The following GAS7 variants were observed in gnomAD, a reference collection of about 807,000 sequenced individuals.
GAS7 encodes the protein growth arrest specific 7, also known as growth arrest-specific protein 7.
A neutral mutation model predicts 71.1 loss-of-function variants in GAS7; 28 were observed. The observed-to-expected ratio is 0.39, with a 90% confidence interval of 0.29 to 0.54. The LOEUF (loss-of-function observed/expected upper bound fraction) is 0.54. Among genes scored for constraint, GAS7 ranks in the 20% least tolerant of loss-of-function variants. The probability of loss-of-function intolerance (pLI) is 0.62; values close to 1 mark genes in which losing one functional copy is unlikely to be tolerated. For missense variants in GAS7, 436 were observed against 627.8 expected, an observed-to-expected ratio of 0.69 and a Z score of 3.27; for synonymous variants, 258 against 245.8, an observed-to-expected ratio of 1.05 and a Z score of -0.46.
At position 10,103,881 on chromosome 17, in the gene GAS7, C is replaced by T. The variant is rs1391262182; in HGVS notation, c.184-83984G>A. The stretch of plus-strand genomic sequence containing the variant: ...AAACCCATAGAACCCATAGTAGCTG[C>T]TCATCAACCCACAGCCCAAATTCAT... On this transcript the variant is annotated intron_variant, in intron 1 of 13. Transcript: ENST00000432992. This position sits in a 1 kb window ranked among gnomAD's most constrained non-coding sequence, Gnocchi z 5.5. 6.6e-6 allele frequency among the ~76,000 whole-genome samples: 1 copy of T among 151,714 alleles called. No individual in the cohort carries two copies. The highest frequency in any genetic ancestry group is 1.5e-5 in the Non-Finnish European group (1 of 67,916).
At position 9,925,615 on chromosome 17, in the gene GAS7, A is replaced by G. The variant is rs1408296767; in HGVS notation, c.1015-16T>C. On this transcript the variant is annotated splice_polypyrimidine_tract_variant and intron_variant, in intron 10 of 13. Transcript: ENST00000432992. ...CTTTCCGGGCCTGGGGTCCAAGGACACGGAGAAGCTGCTCATACAGCTCGG... is the reference window on the plus strand; with the variant it reads ...CTTTCCGGGCCTGGGGTCCAAGGACGCGGAGAAGCTGCTCATACAGCTCGG... The G allele has an allele frequency of 1.2e-6, 2 of 1,613,914 alleles. No individual in the cohort carries two copies. Among genetic ancestry groups the G allele is most frequent in the African/African-American group, 2.7e-5 (2 of 74,922 alleles).
Position 10,158,499 on chromosome 17 carries a change from A to G in GAS7, c.183+39709T>C, listed in dbSNP as rs773184691. ...CCACCTCTATAAAAAGAAAAATAAA[A>G]AAAGATATGTGCATTACACTGTATG... On this transcript the variant is annotated intron_variant, in intron 1 of 13. Transcript: ENST00000432992. 2.0e-5 allele frequency among the ~76,000 whole-genome samples: 3 copies of G among 152,168 alleles called. No individual in the cohort carries two copies. In the South Asian group the frequency reaches 6.2e-4, roughly 32 times the overall value.
Position 9,969,211 on chromosome 17 carries a change from A to T in GAS7, c.471+466T>A, listed in dbSNP as rs16959117. Reference sequence around the variant, plus strand: ...GAAAACAGTTTGGAAATCGTACAACATACTCCCATTTCCTTCCATCTCATA... The same window carrying T: ...GAAAACAGTTTGGAAATCGTACAACTTACTCCCATTTCCTTCCATCTCATA... On this transcript the variant is annotated intron_variant, in intron 4 of 13. Coordinates refer to ENST00000432992, the MANE Select transcript of GAS7 (RefSeq NM_201433.2). This position sits in a 1 kb window ranked among gnomAD's most constrained non-coding sequence, Gnocchi z 5.5. 0.067 allele frequency among the ~76,000 whole-genome samples: 10,240 copies of T among 152,254 alleles called. 1,040 individuals carry two copies. The highest frequency in any genetic ancestry group is 0.22 in the African/African-American group (9,304 of 41,486).
At chr17:10,057,523 G>A (rs1002925130) in intron 1 of GAS7, among the ~76,000 whole-genome samples, 6 of 150,918 alleles carry the variant, frequency 4.0e-5, no homozygotes, top group East Asian at 1.9e-4. Context: ...CCCGGCAGCC[G>A]CCCCATCTGG....
chr17:10,178,702 CTTTTTTTTTTT>C (rs397857157), intron 1 of GAS7, among the ~76,000 whole-genome samples: 10 of 34,590 alleles, frequency 2.9e-4, no homozygotes, highest in African/African-American at 1.1e-3. Flanking sequence ...CCCCCACCAC[CTTTTTTTTTTT>C]TTTTTTTTTT....
intron 3 of GAS7, among the ~76,000 whole-genome samples, chr17:9,980,460 C>G (rs1379391911): frequency 6.6e-6 from 1 of 152,220 alleles, no homozygotes; most frequent in Non-Finnish European, 1.5e-5. Flanking sequence ...ACTTTTTCTT[C>G]TGAAAACTTT....
At chr17:10,109,837 T>C (rs1196254375) in intron 1 of GAS7, among the ~76,000 whole-genome samples, 1 of 151,770 alleles carries the variant, frequency 6.6e-6, no homozygotes, top group Non-Finnish European at 1.5e-5. Context: ...GGGTGGATCA[T>C]GAGGTCAGGA....
intron 5 of GAS7, among the ~76,000 whole-genome samples, chr17:9,952,484 C>T (rs1033200231): frequency 1.3e-5 from 2 of 152,266 alleles, no homozygotes; most frequent in South Asian, 2.1e-4. Context: ...CTCCACCTCC[C>T]GGGTTCAAGC....
At chr17:10,076,745 C>T (rs7221456) in intron 1 of GAS7, among the ~76,000 whole-genome samples, 75,247 of 151,932 alleles carry the variant, frequency 0.5, 18,854 homozygotes, top group Admixed American at 0.51. Flanking sequence ...AGTTTCAGAA[C>T]GGACGAGCTG....
Position 9,918,268 on chromosome 17 carries a change from T to C in GAS7, c.1219-169A>G, listed in dbSNP as rs9916639. Among the ~76,000 whole-genome samples the C allele has an allele frequency of 0.092, 13,339 of 145,528 alleles. 1,131 individuals are homozygous for C. Among genetic ancestry groups the C allele is most frequent in the African/African-American group, 0.24 (9,339 of 39,158 alleles). On this transcript the variant is annotated intron_variant, in intron 12 of 13. Coordinates refer to ENST00000432992, the MANE Select transcript of GAS7 (RefSeq NM_201433.2). ...ATATCTAAGGTGAAGGTGAAGCTGATGACAGCAGCAGCGGCTGTTTTACTT... is the reference window on the plus strand; with the variant it reads ...ATATCTAAGGTGAAGGTGAAGCTGACGACAGCAGCAGCGGCTGTTTTACTT...
intron 1 of GAS7, among the ~76,000 whole-genome samples, chr17:10,177,458 T>A (rs565618174): frequency 3.9e-5 from 6 of 151,990 alleles, no homozygotes; most frequent in Non-Finnish European, 8.8e-5. Context: ...GTGGAGAGGA[T>A]GCTGCTGACG....
At chr17:10,050,535 C>G (rs778409830) in intron 1 of GAS7, among the ~76,000 whole-genome samples, 2 of 152,126 alleles carry the variant, frequency 1.3e-5, no homozygotes, top group Non-Finnish European at 2.9e-5. Context: ...GACTAGAGGG[C>G]TAGCACATGG....
At chr17:9,986,900 C>A (rs1157669045) in intron 2 of GAS7, among the ~76,000 whole-genome samples, 1 of 152,198 alleles carries the variant, frequency 6.6e-6, no homozygotes, top group Non-Finnish European at 1.5e-5. Flanking sequence ...CCAGGCCAGG[C>A]CAGGCAGACA....
chr17:10,019,759 C>T lies in GAS7; in HGVS notation c.304+18G>A, dbSNP rs759620531. On this transcript the variant is annotated intron_variant, in intron 2 of 13. Transcript: ENST00000432992. ...TGCCAGGGGGTTGGTGCAGGATTCT[C>T]CCCCGAGCGGGACTCACCATTGGTG... The T allele has an allele frequency of 5.0e-6, 8 of 1,608,194 alleles. No individual in the cohort carries two copies. The highest frequency in any genetic ancestry group is 6.8e-6 in the Non-Finnish European group (8 of 1,176,370).
chr17:10,193,533 C>A (rs9914768), intron 1 of GAS7, among the ~76,000 whole-genome samples: 1 of 152,090 alleles, frequency 6.6e-6, no homozygotes, highest in Non-Finnish European at 1.5e-5. Flanking sequence ...ACTACTTTCC[C>A]AATAGAATGT....
chr17:9,917,763 C>T (rs2067633193), intron 13 of GAS7, among the ~76,000 whole-genome samples: 1 of 152,242 alleles, frequency 6.6e-6, no homozygotes, highest in East Asian at 1.9e-4. Flanking sequence ...TCTTTCTCCT[C>T]AGGGTAACAG....
intron 1 of GAS7, chr17:10,039,656 C>T (rs954610118): frequency 6.8e-6 from 3 of 439,102 alleles, no homozygotes; most frequent in Non-Finnish European, 1.4e-5. Flanking sequence ...GCACTCCAAC[C>T]TGGACGTCAG....
intron 5 of GAS7, among the ~76,000 whole-genome samples, chr17:9,948,834 G>A (rs2068890806): frequency 6.6e-6 from 1 of 152,204 alleles, no homozygotes; most frequent in South Asian, 2.1e-4. Context: ...GTGGCTTCAG[G>A]CCCCAGATTC....
At chr17:10,185,868 A>G (rs566047964) in intron 1 of GAS7, among the ~76,000 whole-genome samples, 1 of 152,144 alleles carries the variant, frequency 6.6e-6, no homozygotes, top group East Asian at 1.9e-4. Context: ...GAGTGTGGAG[A>G]AACAGGATGG....
Sources: gnomAD v4.1 joint callset for allele counts (sites outside exome capture counted in the v4.1 genomes callset) on GRCh38, gnomAD v4.1.1 for gene constraint, Gnocchi (gnomAD v3.1) non-coding constraint, MANE v1.5 for transcripts, NCBI Gene and HGNC (gene_info 2026-07-23, HGNC 2026-07-21) for gene names.